Variants in KIRREL3 observed in about 807,000 individuals in gnomAD.
KIRREL3 encodes the protein kin of IRRE-like protein 3.
KIRREL3 carries 36 observed loss-of-function variants against 89.7 expected under a neutral mutation model. The ratio of observed to expected loss-of-function variants is 0.40; its 90% CI spans 0.31 to 0.53. The LOEUF is 0.53. KIRREL3 is among the 20% of genes least tolerant of loss of function. The pLI is 0.49. For synonymous variants in KIRREL3, 445 were observed against 441.4 expected (o/e 1.01, Z -0.10); for missense variants, 864 against 1,056.6 (o/e 0.82, Z 2.53).
chr11:126,915,467 T>C (rs1947000489), intron 1 of KIRREL3, among the ~76,000 whole-genome samples: 1 of 152,178 alleles, frequency 6.6e-6, no homozygotes, highest in African/African-American at 2.4e-5. Flanking sequence ...GATTTGTGTA[T>C]CCTCATCGGG....
In KIRREL3 at chr11:126,652,381, C is replaced by T. The variant is rs2134976217; in HGVS notation, c.56-89469G>A. Reference sequence around the variant, plus strand: ...GAGAGGAAGCCTGGGCCAAGCCTGCCTAGGGAGTCTATCGTGGTAGGAACA... The same window carrying T: ...GAGAGGAAGCCTGGGCCAAGCCTGCTTAGGGAGTCTATCGTGGTAGGAACA... On this transcript the variant is annotated intron_variant, in intron 1 of 16. Coordinates refer to ENST00000525144, the MANE Select transcript of KIRREL3 (RefSeq NM_032531.4). This position sits in a 1 kb window ranked among gnomAD's most constrained non-coding sequence, Gnocchi z 4.9. Among the ~76,000 whole-genome samples, 1 of 152,226 alleles carries T rather than the reference C, an allele frequency of 6.6e-6. No homozygotes were observed. Among genetic ancestry groups the T allele is most frequent in the East Asian group, 1.9e-4 (1 of 5,182 alleles).
Position 126,694,419 on chromosome 11 carries a change from C to G in KIRREL3, c.56-131507G>C, listed in dbSNP as rs1251110807. 3.9e-5 allele frequency among the ~76,000 whole-genome samples: 6 copies of G among 152,144 alleles called. No homozygotes were observed. Among genetic ancestry groups the G allele is most frequent in the African/African-American group, 1.4e-4 (6 of 41,428 alleles). On this transcript the variant is annotated intron_variant, in intron 1 of 16. Coordinates refer to ENST00000525144, the MANE Select transcript of KIRREL3 (RefSeq NM_032531.4). This position sits in a 1 kb window ranked among gnomAD's most constrained non-coding sequence, Gnocchi z 4.4. ...GACTGGGGATTCTGTCTGATTGTGT[C>G]AGCATCACGCTCCGTGACATTTAAA...
rs972943619 is a variant in KIRREL3, at chr11:126,705,430, C to T, written c.56-142518G>A. ...GGTTGTTTAAAAGTCTGAGACCTCT[C>T]CTTCCCTCTCTCTTGCACCTTCTCT... On this transcript the variant is annotated intron_variant, in intron 1 of 16. Transcript: ENST00000525144. The surrounding 1 kb of genome is among the most constrained non-coding windows in gnomAD (Gnocchi z 4.3). Among the ~76,000 whole-genome samples, 3 of 152,078 alleles carry T rather than the reference C, an allele frequency of 2.0e-5. No individual in the cohort carries two copies. Among genetic ancestry groups the T allele is most frequent in the African/African-American group, 7.2e-5 (3 of 41,400 alleles).
chr11:126,946,684 T>G lies in KIRREL3; in HGVS notation c.55+53771A>C, dbSNP rs948059809. ...ATAAGATTAAATGGCTGCAAAAAAT[T>G]CAATGCTTGGATATCCTAATAACAG... is the stretch of plus-strand genomic sequence containing the variant. On this transcript the variant is annotated intron_variant, in intron 1 of 16. Transcript: ENST00000525144. The surrounding 1 kb of genome is among the most constrained non-coding windows in gnomAD (Gnocchi z 4.1). Among the ~76,000 whole-genome samples, 7 of 152,198 alleles carry G rather than the reference T, an allele frequency of 4.6e-5. No individual in the cohort carries two copies. Among genetic ancestry groups the G allele is most frequent in the African/African-American group, 1.7e-4 (7 of 41,450 alleles).
In KIRREL3 at chr11:126,900,857, C is replaced by T. The variant is rs1946343151; in HGVS notation, c.55+99598G>A. The stretch of plus-strand genomic sequence containing the variant: ...TTTAAAGACATTTTCAAAACAGTTG[C>T]AAGTTAACTCAAGTAACTGATTTTT... On this transcript the variant is annotated intron_variant, in intron 1 of 16. Coordinates refer to ENST00000525144, the MANE Select transcript of KIRREL3 (RefSeq NM_032531.4). This position sits in a 1 kb window ranked among gnomAD's most constrained non-coding sequence, Gnocchi z 4.4. 1.3e-5 allele frequency among the ~76,000 whole-genome samples: 2 copies of T among 151,948 alleles called. No individual in the cohort carries two copies. The highest frequency in any genetic ancestry group is 2.1e-4 in the South Asian group (1 of 4,798).
chr11:126,692,173 A>T (rs897900019), intron 1 of KIRREL3, among the ~76,000 whole-genome samples: 2 of 152,176 alleles, frequency 1.3e-5, no homozygotes, highest in African/African-American at 4.8e-5. Context: ...TTCTGAGTAG[A>T]CATCCAGAAA....
In KIRREL3 at chr11:126,954,651, T is replaced by A. The variant is rs1372622903; in HGVS notation, c.55+45804A>T. Among the ~76,000 whole-genome samples, 1 of 152,060 alleles carries A rather than the reference T, an allele frequency of 6.6e-6. No homozygotes were observed. Among genetic ancestry groups the A allele is most frequent in the African/African-American group, 2.4e-5 (1 of 41,398 alleles). ...GATGGCTTGATTCACAACACTATATTTCAACCTAGGAAGCACCCTTAGAGG... is the reference window on the plus strand; with the variant it reads ...GATGGCTTGATTCACAACACTATATATCAACCTAGGAAGCACCCTTAGAGG... On this transcript the variant is annotated intron_variant, in intron 1 of 16. Transcript: ENST00000525144. The surrounding 1 kb of genome is among the most constrained non-coding windows in gnomAD (Gnocchi z 4.1).
intron 8 of KIRREL3, among the ~76,000 whole-genome samples, chr11:126,448,583 A>C (rs1955914465): frequency 6.6e-6 from 1 of 152,216 alleles, no homozygotes. Flanking sequence ...GGCAGGGGTT[A>C]GATCATGAGA....
At chr11:126,437,416 C>T (rs1203232489) in intron 11 of KIRREL3, among the ~76,000 whole-genome samples, 2 of 152,200 alleles carry the variant, frequency 1.3e-5, no homozygotes, top group Non-Finnish European at 2.9e-5. Flanking sequence ...CACATCACCA[C>T]GTACACATAC....
In KIRREL3 at chr11:126,843,080, C is replaced by T. The variant is rs1164531806; in HGVS notation, c.55+157375G>A. Among the ~76,000 whole-genome samples, 2 of 152,140 alleles carry T rather than the reference C, an allele frequency of 1.3e-5. No individual in the cohort carries two copies. Among genetic ancestry groups the T allele is most frequent in the Non-Finnish European group, 2.9e-5 (2 of 68,032 alleles). On this transcript the variant is annotated intron_variant, in intron 1 of 16. Transcript: ENST00000525144. This position sits in a 1 kb window ranked among gnomAD's most constrained non-coding sequence, Gnocchi z 4.6. The stretch of plus-strand genomic sequence containing the variant: ...ATCCAAAGTCAAACTGAGGGGCTGG[C>T]TCACATTTCTATATAACAGTGTCCT...
chr11:126,441,424 C>G lies in KIRREL3; in HGVS notation c.1253-875G>C, dbSNP rs1013794567. 6.6e-6 allele frequency among the ~76,000 whole-genome samples: 1 copy of G among 152,196 alleles called. No individual in the cohort carries two copies. Among genetic ancestry groups the G allele is most frequent in the Non-Finnish European group, 1.5e-5 (1 of 68,028 alleles). ...CCTAACCCAAGTCTTTCCCCTGTGA[C>G]GCCTGCCTGGCCGTGAAAGACAAAA... On this transcript the variant is annotated intron_variant, in intron 10 of 16. Transcript: ENST00000525144. This position sits in a 1 kb window ranked among gnomAD's most constrained non-coding sequence, Gnocchi z 5.0.
rs1945123141 is a variant in KIRREL3, at chr11:126,656,067, A to G, written c.56-93155T>C. On this transcript the variant is annotated intron_variant, in intron 1 of 16. Coordinates refer to ENST00000525144, the MANE Select transcript of KIRREL3 (RefSeq NM_032531.4). The surrounding 1 kb of genome is among the most constrained non-coding windows in gnomAD (Gnocchi z 4.0). ...TGAGCCAGGAGAGTCCTGTGGATTC[A>G]CTAGATTCTGGGACTATACCTTATC... The G allele has an allele frequency of 2.2e-6, 1 of 446,980 alleles. No individual in the cohort carries two copies. 27.7% of individuals were successfully genotyped at this position (446,980 alleles called of 1,614,324 possible).
intron 1 of KIRREL3, among the ~76,000 whole-genome samples, chr11:126,899,882 G>C (rs1466738700): frequency 6.6e-6 from 1 of 152,192 alleles, no homozygotes; most frequent in African/African-American, 2.4e-5. Context: ...ACAGAAAAAA[G>C]TAGCAAGTGG....
rs1274246682 is a variant in KIRREL3, at chr11:126,463,156, C to T, written c.742+1G>A. On this transcript the variant is annotated splice_donor_variant, in intron 6 of 16. Coordinates refer to ENST00000525144, the MANE Select transcript of KIRREL3 (RefSeq NM_032531.4). LOFTEE classifies it high-confidence loss of function. This position sits in a 1 kb window ranked among gnomAD's most constrained non-coding sequence, Gnocchi z 5.9. ...GGTTGGGGGAGGGGGTGGGTACTCA[C>T]GCTGGATGTCAATGGTGACCGACGT... is the stretch of plus-strand genomic sequence containing the variant. 11 of 1,612,406 alleles carry T rather than the reference C, an allele frequency of 6.8e-6. No individual in the cohort carries two copies. The highest frequency in any genetic ancestry group is 1.3e-5 in the African/African-American group (1 of 74,982).
chr11:126,525,210 G>T lies in KIRREL3; in HGVS notation c.283+1328C>A, dbSNP rs914971222. ...AGACCCCAGTCCCTGACGGAAGTTG[G>T]AAACCCACTGACCGGGACCCCAGAC... On this transcript the variant is annotated intron_variant, in intron 3 of 16. Transcript: ENST00000525144. This position sits in a 1 kb window ranked among gnomAD's most constrained non-coding sequence, Gnocchi z 5.4. Among the ~76,000 whole-genome samples, 5 of 152,172 alleles carry T rather than the reference G, an allele frequency of 3.3e-5. No homozygotes were observed. Among genetic ancestry groups the T allele is most frequent in the African/African-American group, 1.2e-4 (5 of 41,442 alleles).
In KIRREL3 at chr11:126,526,717, T is replaced by A. The variant is rs755861246; in HGVS notation, c.134-30A>T. ...GAAGGAGACAAACACAATGGTCAGT[T>A]ATCTGCCGGCTACAGGGGCGAGAAG... On this transcript the variant is annotated intron_variant, in intron 2 of 16. Coordinates refer to ENST00000525144, the MANE Select transcript of KIRREL3 (RefSeq NM_032531.4). This position sits in a 1 kb window ranked among gnomAD's most constrained non-coding sequence, Gnocchi z 5.7. The A allele has an allele frequency of 4.5e-6, 7 of 1,545,170 alleles. No individual in the cohort carries two copies. The highest frequency in any genetic ancestry group is 6.1e-6 in the Non-Finnish European group (7 of 1,141,282).
intron 1 of KIRREL3, among the ~76,000 whole-genome samples, chr11:126,693,557 A>G (rs902009589): frequency 6.6e-6 from 1 of 152,100 alleles, no homozygotes; most frequent in East Asian, 1.9e-4. Flanking sequence ...ATGGCAGGGG[A>G]ACACATAAGT....
rs529364579 is a variant in KIRREL3 at position 126,694,146 on chromosome 11, T to G, written c.56-131234A>C. On this transcript the variant is annotated intron_variant, in intron 1 of 16. Coordinates refer to ENST00000525144, the MANE Select transcript of KIRREL3 (RefSeq NM_032531.4). The surrounding 1 kb of genome is among the most constrained non-coding windows in gnomAD (Gnocchi z 4.4). ...CATCCCTAAGGGAGCCACATTCGTT[T>G]TTTTTCCTTTCAAAGTCGTCAGGCA... Among the ~76,000 whole-genome samples, 1 of 152,330 alleles carries G rather than the reference T, an allele frequency of 6.6e-6. No individual in the cohort carries two copies. Among genetic ancestry groups the G allele is most frequent in the South Asian group, 2.1e-4 (1 of 4,818 alleles).
At chr11:126,846,398 T>G (rs976273290) in intron 1 of KIRREL3, among the ~76,000 whole-genome samples, 1 of 152,226 alleles carries the variant, frequency 6.6e-6, no homozygotes, top group Admixed American at 6.5e-5. Context: ...TTAATTCGTT[T>G]AAAAATAATA....
Sources: gnomAD v4.1 joint callset for allele counts (sites outside exome capture counted in the v4.1 genomes callset) on GRCh38, gnomAD v4.1.1 for gene constraint, Gnocchi (gnomAD v3.1) non-coding constraint, MANE v1.5 for transcripts, NCBI Gene and HGNC (gene_info 2026-07-23, HGNC 2026-07-21) for gene names.